NAA35: variants seen among roughly 807,000 people sequenced by gnomAD.
NAA35 encodes the protein N-alpha-acetyltransferase 35, NatC auxiliary subunit.
A neutral mutation model predicts 101.7 loss-of-function variants in NAA35; 18 were observed. The ratio of observed to expected loss-of-function variants is 0.18; its 90% CI spans 0.12 to 0.26. NAA35 has a LOEUF of 0.26. Among genes scored for constraint, NAA35 ranks in the 10% least tolerant of loss-of-function variants. The pLI is 1.00. For missense variants in NAA35, 601 were observed against 886.8 expected (o/e 0.68, Z 4.09); for synonymous variants, 267 against 273.1 (o/e 0.98, Z 0.22).
intron 5 of NAA35, among the ~76,000 whole-genome samples, chr9:85,960,176 A>G (rs1051165448): frequency 2.2e-4 from 33 of 152,256 alleles, no homozygotes; most frequent in South Asian, 8.3e-4. Flanking sequence ...GGTTTCATAA[A>G]TAAGCATGGA....
chr9:86,012,552 C>G (rs1018394305), intron 15 of NAA35, among the ~76,000 whole-genome samples: 1 of 152,192 alleles, frequency 6.6e-6, no homozygotes, highest in African/African-American at 2.4e-5. Flanking sequence ...CTCAGACTTA[C>G]AAATCCATGT....
rs76377524 is a variant in NAA35 at position 85,973,749 on chromosome 9, GT to G, written c.517-1206del. Reference sequence around the variant, plus strand: ...TATATAGCTCTGTAATATGATGAGTGTTTTTTTTTTTTAAGGATTTGATCAT... The same window carrying G: ...TATATAGCTCTGTAATATGATGAGTGTTTTTTTTTTTAAGGATTTGATCAT... On this transcript the variant is annotated intron_variant, in intron 6 of 22. Coordinates refer to ENST00000361671, the MANE Select transcript of NAA35 (RefSeq NM_024635.4). Among the ~76,000 whole-genome samples, 3,725 of 142,772 alleles carry G rather than the reference GT, an allele frequency of 0.026. 387 individuals are homozygous for G. In the East Asian group the frequency reaches 0.37, roughly 14 times the overall value. The allele number at this position is 142,772 out of a possible 152,430, so 93.7% of individuals were successfully genotyped here. A position where few individuals can be genotyped will look rare whatever the true frequency, so the allele number is the denominator to read the frequency against.
rs551001590 is a variant in NAA35 at position 85,993,062 on chromosome 9, A to G, written c.878-3337A>G. 7.3e-4 allele frequency among the ~76,000 whole-genome samples: 111 copies of G among 152,382 alleles called. 1 individual carries two copies. The highest frequency in any genetic ancestry group is 2.5e-3 in the African/African-American group (105 of 41,582). Reference sequence around the variant, plus strand: ...AATGGATATTATAATGGAATGAAATACTGATACATGCAACATAATGGATAA... The same window carrying G: ...AATGGATATTATAATGGAATGAAATGCTGATACATGCAACATAATGGATAA... On this transcript the variant is annotated intron_variant, in intron 11 of 22. Coordinates refer to ENST00000361671, the MANE Select transcript of NAA35 (RefSeq NM_024635.4).
chr9:85,969,294 T>C (rs1829897382), intron 6 of NAA35, among the ~76,000 whole-genome samples: 1 of 149,916 alleles, frequency 6.7e-6, no homozygotes, highest in Admixed American at 6.6e-5. Flanking sequence ...AAAAAAGTCT[T>C]CCCTATCCTC....
At chr9:85,969,386 C>G (rs1349218319) in intron 6 of NAA35, among the ~76,000 whole-genome samples, 2 of 151,534 alleles carry the variant, frequency 1.3e-5, no homozygotes, top group Non-Finnish European at 2.9e-5. Context: ...TATTCTGTTG[C>G]TTTTCTGTTA....
intron 6 of NAA35, among the ~76,000 whole-genome samples, chr9:85,967,889 C>T (rs992727455): frequency 1.3e-5 from 2 of 152,094 alleles, no homozygotes; most frequent in African/African-American, 4.8e-5. Context: ...TGTTCTCAGG[C>T]GTGTCTCCTG....
chr9:85,978,561 A>G (rs1030377285), intron 11 of NAA35, among the ~76,000 whole-genome samples, 180 bp downstream of exon 11: 1 of 152,208 alleles, frequency 6.6e-6, no homozygotes, highest in Non-Finnish European at 1.5e-5. Flanking sequence ...ACAATACTGT[A>G]GAACTTGGCC....
intron 2 of NAA35, among the ~76,000 whole-genome samples, chr9:85,954,179 C>G (rs967661287): frequency 6.6e-6 from 1 of 151,976 alleles, no homozygotes; most frequent in Admixed American, 6.6e-5. Context: ...CTACAGGGTT[C>G]AAGCAATCCT....
chr9:85,970,879 C>T (rs906554405), intron 6 of NAA35, among the ~76,000 whole-genome samples: 22 of 152,218 alleles, frequency 1.4e-4, no homozygotes, highest in South Asian at 6.2e-4. Flanking sequence ...AGTAAAGGGG[C>T]GTCATAGTCT....
At chr9:85,953,965 G>C (rs1829131833) in intron 2 of NAA35, among the ~76,000 whole-genome samples, 1 of 152,136 alleles carries the variant, frequency 6.6e-6, no homozygotes, top group African/African-American at 2.4e-5. Flanking sequence ...TTTTTTGATT[G>C]TGAATAATGC....
rs556522894 is a variant in NAA35, at chr9:85,967,727, G to A, written c.516+5547G>A. On this transcript the variant is annotated intron_variant, in intron 6 of 22. Coordinates refer to ENST00000361671, the MANE Select transcript of NAA35 (RefSeq NM_024635.4). ...TGAGGCAGGAGAATGGCGTGAACCC[G>A]GGAGGCAGAGCTTGCAGTGAGCTGA... Among the ~76,000 whole-genome samples, 73 of 151,866 alleles carry A rather than the reference G, an allele frequency of 4.8e-4. 1 individual carries two copies. In the South Asian group the frequency reaches 0.014, roughly 29 times the overall value.
At chr9:86,004,198 G>A (rs531287447) in intron 13 of NAA35, among the ~76,000 whole-genome samples, 4 of 152,188 alleles carry the variant, frequency 2.6e-5, no homozygotes, top group East Asian at 1.9e-4. Flanking sequence ...TCCGCCTCCC[G>A]GGTTCAAGTG....
At chr9:85,967,601 G>T (rs1177725234) in intron 6 of NAA35, among the ~76,000 whole-genome samples, 1 of 152,026 alleles carries the variant, frequency 6.6e-6, no homozygotes, top group African/African-American at 2.4e-5. Flanking sequence ...AGGAGATCGA[G>T]ACCATCCTGG....
intron 6 of NAA35, among the ~76,000 whole-genome samples, chr9:85,974,103 C>T (rs1200064758): frequency 6.6e-6 from 1 of 152,072 alleles, no homozygotes; most frequent in East Asian, 1.9e-4. Flanking sequence ...ATTACAGATA[C>T]ATGCCACCAT....
chr9:86,001,785 T>G (rs1044624073), intron 12 of NAA35, among the ~76,000 whole-genome samples: 2 of 152,208 alleles, frequency 1.3e-5, no homozygotes, highest in Non-Finnish European at 2.9e-5. Context: ...ATGAGTCTCT[T>G]GAAGACAGCA....
chr9:85,979,188 A>G (rs1291314656), intron 11 of NAA35, among the ~76,000 whole-genome samples: 1 of 152,200 alleles, frequency 6.6e-6, no homozygotes, highest in East Asian at 1.9e-4. Flanking sequence ...TTTTGCCACG[A>G]GAGTACGCTA....
intron 22 of NAA35, 63 bp from the exon 23 acceptor site, chr9:86,021,838 T>C (rs199783362): frequency 8.2e-7 from 1 of 1,219,196 alleles, no homozygotes; most frequent in Non-Finnish European, 1.1e-6. Flanking sequence ...AAAATAGTCT[T>C]TGTTTTGTGT....
chr9:85,987,636 A>G (rs1475230576), intron 11 of NAA35, among the ~76,000 whole-genome samples: 1 of 152,206 alleles, frequency 6.6e-6, no homozygotes, highest in Non-Finnish European at 1.5e-5. Flanking sequence ...TGGGGATGGT[A>G]CTGTGAAGAT....
chr9:86,014,976 G>A (rs1832132893), intron 17 of NAA35, among the ~76,000 whole-genome samples: 1 of 151,964 alleles, frequency 6.6e-6, no homozygotes, highest in Admixed American at 6.6e-5. Context: ...ATGTTGCCCG[G>A]GTTGGTCCTG....
Sources: allele counts gnomAD v4.1 joint callset (sites outside exome capture counted in the v4.1 genomes callset), GRCh38; gene constraint gnomAD v4.1.1; transcripts MANE v1.5; gene names NCBI Gene and HGNC (gene_info 2026-07-23, HGNC 2026-07-21).